WDR72: variants seen among roughly 807,000 people sequenced by gnomAD.
WDR72 encodes WD repeat domain 72.
A neutral mutation model predicts 124.2 loss-of-function variants in WDR72; 120 were observed. The observed-to-expected ratio is 0.97, with a 90% confidence interval of 0.83 to 1.12. The LOEUF (loss-of-function observed/expected upper bound fraction) is 1.12. Among genes scored for constraint, WDR72 ranks in the 50% most tolerant of loss-of-function variants. The pLI, the probability that WDR72 is intolerant of heterozygous loss-of-function variation, is 0.00. For synonymous variants in WDR72, 452 were observed against 441.7 expected (o/e 1.02, Z -0.29); for missense variants, 1,387 against 1,278.8 (o/e 1.08, Z -1.29).
At chr15:53,665,790 A>T in intron 13 of WDR72, 22 bp from the exon 14 acceptor site, 1 of 1,610,766 alleles carries the variant, frequency 6.2e-7, no homozygotes, top group Non-Finnish European at 8.5e-7. Context: ...GATTAGAGGT[A>T]AAAATGTCAG....
At chr15:53,565,408 T>C (rs1894260447) in intron 18 of WDR72, among the ~76,000 whole-genome samples, 1 of 151,916 alleles carries the variant, frequency 6.6e-6, no homozygotes, top group African/African-American at 2.4e-5. Flanking sequence ...CATTTCTTTT[T>C]TGGAAGGCAA....
intron 18 of WDR72, among the ~76,000 whole-genome samples, chr15:53,551,151 A>G (rs1233482680): frequency 6.6e-6 from 1 of 152,088 alleles, no homozygotes; most frequent in Non-Finnish European, 1.5e-5. Flanking sequence ...GAAGGTTCTG[A>G]GGCAAGAAGG....
At chr15:53,678,407 T>C (rs1175079562) in intron 13 of WDR72, among the ~76,000 whole-genome samples, 1 of 152,174 alleles carries the variant, frequency 6.6e-6, no homozygotes, top group Non-Finnish European at 1.5e-5. Context: ...CTACACAGGT[T>C]CCCTATATAG....
At chr15:53,649,830 C>T (rs1311093369) in intron 14 of WDR72, among the ~76,000 whole-genome samples, 1 of 152,026 alleles carries the variant, frequency 6.6e-6, no homozygotes, top group Admixed American at 6.6e-5. Flanking sequence ...AATTGGAATC[C>T]TAGCACACTG....
At chr15:53,544,685 T>G (rs899618500) in intron 18 of WDR72, among the ~76,000 whole-genome samples, 22 of 143,716 alleles carry the variant, frequency 1.5e-4, no homozygotes, top group Middle Eastern at 3.7e-3. Flanking sequence ...GAGAAGGAAA[T>G]AAAGGGTATT....
chr15:53,670,316 T>C (rs899269419), intron 13 of WDR72, among the ~76,000 whole-genome samples: 3 of 152,228 alleles, frequency 2.0e-5, no homozygotes, highest in African/African-American at 4.8e-5. Flanking sequence ...CAAAGTTGCG[T>C]AGTTTCCAAA....
chr15:53,594,387 T>C (rs1488732221), intron 18 of WDR72, among the ~76,000 whole-genome samples: 1 of 151,786 alleles, frequency 6.6e-6, no homozygotes, highest in Non-Finnish European at 1.5e-5. Context: ...AAACAACATA[T>C]ACAATTTGCC....
At chr15:53,522,472 A>T (rs1566939826) in intron 19 of WDR72, among the ~76,000 whole-genome samples, 1 of 152,070 alleles carries the variant, frequency 6.6e-6, no homozygotes, top group Non-Finnish European at 1.5e-5. Flanking sequence ...CTAGCACCTT[A>T]TAACTTTGTA....
intron 13 of WDR72, among the ~76,000 whole-genome samples, chr15:53,666,568 C>G (rs1294492923): frequency 1.3e-5 from 2 of 152,062 alleles, no homozygotes; most frequent in Non-Finnish European, 2.9e-5. Context: ...ATTATTCATA[C>G]TATATTAAAT....
chr15:53,597,709 C>T lies in WDR72; in HGVS notation c.2953-435G>A, dbSNP rs541928426. On this transcript the variant is annotated intron_variant, in intron 17 of 19. Transcript: ENST00000360509. ...AAATAAACACTGCATTTAAACTATGCTTTACACAGAAAATTAAAGAAATGA... is the reference window on the plus strand; with the variant it reads ...AAATAAACACTGCATTTAAACTATGTTTTACACAGAAAATTAAAGAAATGA... Among the ~76,000 whole-genome samples, 3 of 152,244 alleles carry T rather than the reference C, an allele frequency of 2.0e-5. 1 individual carries two copies. The highest frequency in any genetic ancestry group is 7.2e-5 in the African/African-American group (3 of 41,534).
intron 13 of WDR72, among the ~76,000 whole-genome samples, chr15:53,694,049 C>T (rs1272777986): frequency 6.6e-6 from 1 of 152,236 alleles, no homozygotes; most frequent in South Asian, 2.1e-4. Flanking sequence ...TCCCCTAAAC[C>T]CAAGCCCCAA....
intron 18 of WDR72, among the ~76,000 whole-genome samples, chr15:53,547,422 G>A (rs1297924277): frequency 1.3e-5 from 2 of 152,186 alleles, no homozygotes; most frequent in Non-Finnish European, 2.9e-5. Context: ...GTGAGCCACC[G>A]TGCCTGGCCT....
rs80218423 is a variant in WDR72 at position 53,642,125 on chromosome 15, G to A, written c.1962+23447C>T. On this transcript the variant is annotated intron_variant, in intron 14 of 19. Coordinates refer to ENST00000360509, the MANE Select transcript of WDR72 (RefSeq NM_182758.4). ...GGTTTTTCTAGGTCCATTTATGTGA[G>A]TAACCACCCTTCTTTAATCCCTGTA... 8.4e-3 allele frequency among the ~76,000 whole-genome samples: 1,280 copies of A among 152,022 alleles called. 8 individuals are homozygous for A. Among genetic ancestry groups the A allele is most frequent in the Non-Finnish European group, 0.012 (808 of 67,858 alleles).
chr15:53,753,606 C>A (rs982882221), intron 1 of WDR72, among the ~76,000 whole-genome samples: 6 of 152,294 alleles, frequency 3.9e-5, no homozygotes, highest in African/African-American at 4.8e-5. Context: ...AGATAAGCCC[C>A]ACCTCTGTTT....
intron 13 of WDR72, among the ~76,000 whole-genome samples, chr15:53,698,653 A>G (rs1184676418): frequency 6.6e-6 from 1 of 152,194 alleles, no homozygotes; most frequent in Non-Finnish European, 1.5e-5. Flanking sequence ...ATCTATTATA[A>G]TTAACTGTTG....
intron 18 of WDR72, among the ~76,000 whole-genome samples, chr15:53,528,817 G>A (rs1892266508): frequency 6.6e-6 from 1 of 151,924 alleles, no homozygotes; most frequent in African/African-American, 2.4e-5. Flanking sequence ...AATTGCTTAC[G>A]GAATCTGTTT....
chr15:53,740,957 T>C (rs2018493349), intron 1 of WDR72, among the ~76,000 whole-genome samples: 1 of 152,222 alleles, frequency 6.6e-6, no homozygotes, highest in African/African-American at 2.4e-5. Flanking sequence ...TTACTACTAT[T>C]ATTTTTATTT....
At chr15:53,680,437 T>C (rs56382844) in intron 13 of WDR72, among the ~76,000 whole-genome samples, 11,514 of 152,254 alleles carry the variant, frequency 0.076, 1,117 homozygotes, top group African/African-American at 0.22. Context: ...TTGTAAGATA[T>C]GGAGAGAATT....
chr15:53,722,926 G>T lies in WDR72; in HGVS notation c.154-18C>A. ...GCTGAAATCTGAAAATAATGAGAGT[G>T]AGCTTTTAAATAATTGTAAACTGTT... is the stretch of plus-strand genomic sequence containing the variant. On this transcript the variant is annotated intron_variant, in intron 2 of 19. Coordinates refer to ENST00000360509, the MANE Select transcript of WDR72 (RefSeq NM_182758.4). 2 of 1,599,462 alleles carry T rather than the reference G, an allele frequency of 1.3e-6. No homozygotes were observed. The highest frequency in any genetic ancestry group is 1.7e-6 in the Non-Finnish European group (2 of 1,166,842).
Sources: gnomAD v4.1 joint callset for allele counts (sites outside exome capture counted in the v4.1 genomes callset) on GRCh38, gnomAD v4.1.1 for gene constraint, MANE v1.5 for transcripts, NCBI Gene and HGNC (gene_info 2026-07-23, HGNC 2026-07-21) for gene names.